The following ISM2 variants were observed in gnomAD, a reference collection of about 807,000 sequenced individuals.
ISM2 encodes isthmin-2.
Under a neutral mutation model 58.0 loss-of-function variants are expected in ISM2, and 50 were observed. The ratio of observed to expected loss-of-function variants is 0.86; its 90% CI spans 0.69 to 1.09. The LOEUF (loss-of-function observed/expected upper bound fraction) is 1.09, where lower values mean the gene tolerates loss of function less well. Ranked by LOEUF, ISM2 falls within the 50% of genes least tolerant of loss-of-function variation. ISM2 has a pLI of 0.00. For missense variants in ISM2, 723 were observed against 745.0 expected, an observed-to-expected ratio of 0.97 and a Z score of 0.34; for synonymous variants, 303 against 312.4, an observed-to-expected ratio of 0.97 and a Z score of 0.32.
intron 1 of ISM2, among the ~76,000 whole-genome samples, chr14:77,487,599 T>A (rs1280358302): frequency 6.6e-6 from 1 of 152,184 alleles, no homozygotes; most frequent in African/African-American, 2.4e-5. Flanking sequence ...CTGGAGCTGC[T>A]CTTGGGAGTC....
intron 6 of ISM2, 26 bp downstream of exon 6, chr14:77,478,215 CA>C (rs1334511047): frequency 6.3e-7 from 1 of 1,595,886 alleles, no homozygotes; most frequent in East Asian, 2.2e-5. Flanking sequence ...CCCAAACCAC[CA>C]GGGGCAAGCC....
chr14:77,482,334 A>C lies in ISM2; in HGVS notation c.961T>G (p.Ser321Ala). The C allele has an allele frequency of 1.2e-6, 2 of 1,613,036 alleles. No homozygotes were observed. The highest frequency in any genetic ancestry group is 2.2e-5 in the South Asian group (2 of 90,956). The change falls in exon 4 of 7, where the codon TCT becomes GCT. Residue 321 changes from serine (S) to alanine (A), a missense_variant. Ser to Ala is a moderately conservative substitution (Grantham distance 99, BLOSUM62 1). Transcript: ENST00000342219. Reference protein sequence around the residue: ...LAPGDWVFKDSVSYDYEPQKE... With the variant: ...LAPGDWVFKDAVSYDYEPQKE... ...TGGGGGTGCTCACCGTAGCTGACAG[A>C]ATCCTTGAAGACCCAATCCCCGGGG...
In ISM2 at chr14:77,482,512, G is replaced by A; in HGVS notation, c.783C>T (p.Ala261=). The A allele has an allele frequency of 6.2e-7, 1 of 1,614,034 alleles. No homozygotes were observed. The highest frequency in any genetic ancestry group is 8.5e-7 in the Non-Finnish European group (1 of 1,179,988). ...CCTTTTCCTCCCCCTTCTCCCCTGG[G>A]GCCCTGTCTTTTTCCTCTCCTTTGT... is the stretch of plus-strand genomic sequence containing the variant. ...GDYKGEEKDR[A]PGEKGEEKEE... is the part of the protein sequence containing the mutation. Residue 261 remains alanine, a synonymous_variant, in exon 4 of 7, where the codon GCC becomes GCT. Transcript: ENST00000342219.
In ISM2 at chr14:77,475,640, CA is replaced by C. The variant is rs780464777; in HGVS notation, c.1670del (p.Leu557ArgfsTer6). On this transcript the variant is annotated frameshift_variant, in exon 7 of 7. Transcript: ENST00000342219. LOFTEE classifies it high-confidence loss of function. The surrounding 1 kb of genome is among the most constrained non-coding windows in gnomAD (Gnocchi z 4.1). ...GCAACTGTGCTAGGTACTCCTCCTCCAGGGGGTTGTCGGTGCAGGCTCGGCC... is the reference window on the plus strand; with the variant it reads ...GCAACTGTGCTAGGTACTCCTCCTCCGGGGGTTGTCGGTGCAGGCTCGGCC... ...NNGRACTDNP[L>X]EEEYLAQLQE... 1.9e-6 allele frequency: 3 copies of C among 1,610,554 alleles called. No individual in the cohort carries two copies. Among genetic ancestry groups the C allele is most frequent in the Admixed American group, 3.3e-5 (2 of 59,778 alleles).
rs750200433 is a variant in ISM2 at position 77,484,844 on chromosome 14, C to T, written c.217G>A (p.Ala73Thr). The change falls in exon 2 of 7, where the codon GCA becomes ACA. Residue 73 changes from alanine to threonine, a missense_variant. Coordinates refer to ENST00000342219, the MANE Select transcript of ISM2 (RefSeq NM_199296.3). ...APLLPRTHLQ[A>T]EPHQHGCWTV... is the part of the protein sequence containing the mutation. ...CAGCATCCATGTTGGTGTGGCTCTG[C>T]CTGCAGGTGGGTTCTGGGGAGCAGT... 1.2e-6 allele frequency: 2 copies of T among 1,607,006 alleles called. No homozygotes were observed. The highest frequency in any genetic ancestry group is 2.2e-5 in the East Asian group (1 of 44,764).
intron 1 of ISM2, among the ~76,000 whole-genome samples, chr14:77,493,857 G>C (rs189050487): frequency 1.3e-5 from 2 of 151,180 alleles, no homozygotes; most frequent in East Asian, 3.9e-4. Context: ...CTGCAAGCTC[G>C]GTCTCCCGGG....
chr14:77,498,763 G>C lies in ISM2; in HGVS notation c.31C>G (p.Leu11Val), dbSNP rs1274860537. The change falls in exon 1 of 7, where the codon CTC becomes GTC. Residue 11 changes from leucine to valine, a missense_variant. By Grantham distance (32) the Leu-to-Val change is conservative (BLOSUM62 1). Coordinates refer to ENST00000342219, the MANE Select transcript of ISM2 (RefSeq NM_199296.3). Reference protein sequence around the residue: MRALRDRAGLLLCVLLLAALL... With the variant: MRALRDRAGLVLCVLLLAALL... ...GCCGCCAGCAGCAGCACGCAGAGGA[G>C]GAGCCCGGCTCGGTCGCGGAGCGCA... The C allele has an allele frequency of 1.0e-5, 15 of 1,474,854 alleles. No homozygotes were observed. The East Asian group carries it at 3.0e-4, about 29-fold the overall frequency. 91.4% of individuals were successfully genotyped at this position (1,474,854 alleles called of 1,614,324 possible). A position where few individuals can be genotyped will look rare whatever the true frequency, so the allele number is the denominator to read the frequency against.
intron 4 of ISM2, 74 bp downstream of exon 4, chr14:77,482,248 C>T: frequency 8.5e-7 from 1 of 1,175,718 alleles, no homozygotes; most frequent in South Asian, 1.4e-5. Flanking sequence ...AAGCCTCCAC[C>T]CTCTCCCTCA....
At position 77,475,936 on chromosome 14, in the gene ISM2, T is replaced by C. The variant is rs1239017307; in HGVS notation, c.1375A>G (p.Ser459Gly). 1.3e-6 allele frequency: 2 copies of C among 1,599,620 alleles called. No individual in the cohort carries two copies. Among genetic ancestry groups the C allele is most frequent in the East Asian group, 4.5e-5 (2 of 44,860 alleles). ...ATGTCCAGGCGCTCGCGAGGGCCAC[T>C]GGCATCCCTCCACCGGAAGCTGCGG... ...QGRSFRWRDA[S>G]GPRERLDIYQ... The change falls in exon 7 of 7, where the codon AGT becomes GGT. Residue 459 changes from serine to glycine, a missense_variant. Coordinates refer to ENST00000342219, the MANE Select transcript of ISM2 (RefSeq NM_199296.3). This position sits in a 1 kb window ranked among gnomAD's most constrained non-coding sequence, Gnocchi z 4.1.
At chr14:77,476,745 T>C (rs2079100923) in intron 6 of ISM2, among the ~76,000 whole-genome samples, 1 of 152,176 alleles carries the variant, frequency 6.6e-6, no homozygotes. Context: ...TGACTGAGGT[T>C]CTCTTAAATA....
chr14:77,481,960 C>T (rs375516137), intron 4 of ISM2, among the ~76,000 whole-genome samples: 59 of 150,878 alleles, frequency 3.9e-4, no homozygotes, highest in African/African-American at 1.4e-3. Context: ...ATTAGCCTGC[C>T]CTGGTGGTAT....
chr14:77,479,301 C>T (rs2079117870), intron 4 of ISM2, among the ~76,000 whole-genome samples: 2 of 152,096 alleles, frequency 1.3e-5, no homozygotes, highest in Admixed American at 6.6e-5. Flanking sequence ...CTCACTGTAC[C>T]TTCGCCTCCC....
rs1224824627 is a variant in ISM2, at chr14:77,484,815, A to G, written c.246T>C (p.Thr82=). Residue 82 remains threonine (T), a synonymous_variant, in exon 2 of 7, where the codon ACT becomes ACC. Coordinates refer to ENST00000342219, the MANE Select transcript of ISM2 (RefSeq NM_199296.3). ...GGGTCATGGCTGCTGGCTCAGTGACAGTCCAGCATCCATGTTGGTGTGGCT... is the reference window on the plus strand; with the variant it reads ...GGGTCATGGCTGCTGGCTCAGTGACGGTCCAGCATCCATGTTGGTGTGGCT... ...QAEPHQHGCW[T]VTEPAAMTPG... The G allele has an allele frequency of 6.2e-7, 1 of 1,609,510 alleles. No homozygotes were observed. The highest frequency in any genetic ancestry group is 1.4e-5 in the African/African-American group (1 of 73,488).
chr14:77,484,329 A>G lies in ISM2; in HGVS notation c.621T>C (p.Asp207=). 6.2e-7 allele frequency: 1 copy of G among 1,610,676 alleles called. No individual in the cohort carries two copies. Among genetic ancestry groups the G allele is most frequent in the South Asian group, 1.1e-5 (1 of 90,656 alleles). The change falls in exon 3 of 7, where the codon GAT becomes GAC. Residue 207 remains aspartate (D), a synonymous_variant. Coordinates refer to ENST00000342219, the MANE Select transcript of ISM2 (RefSeq NM_199296.3). ...GCCCTTCTGTAGCTCTCACCTGGTT[A>G]TCAGGGTTAGGGGTACTCAAGGTTG... is the stretch of plus-strand genomic sequence containing the variant. ...VHATLSTPNP[D]NQVTIKVVED...
intron 6 of ISM2, 74 bp from the exon 7 acceptor site, chr14:77,476,186 G>C: frequency 6.8e-7 from 1 of 1,462,288 alleles, no homozygotes; most frequent in Non-Finnish European, 9.1e-7. Flanking sequence ...GACTGATTAA[G>C]GGCCAGTGCA....
intron 1 of ISM2, among the ~76,000 whole-genome samples, chr14:77,487,260 TA>T (rs139595160): frequency 0.037 from 5,530 of 150,648 alleles, 154 homozygotes; most frequent in Non-Finnish European, 0.056. Flanking sequence ...AATAAATAAA[TA>T]AATAAATAAA....
rs749032904 is a variant in ISM2, at chr14:77,475,789, C to A, written c.1522G>T (p.Gly508Cys). The A allele has an allele frequency of 1.2e-6, 2 of 1,613,176 alleles. No individual in the cohort carries two copies. Among genetic ancestry groups the A allele is most frequent in the Non-Finnish European group, 1.7e-6 (2 of 1,179,792 alleles). The change falls in exon 7 of 7, where the codon GGC (glycine) becomes TGC (cysteine). Residue 508 changes from glycine to cysteine, a missense_variant. Physicochemically the swap from Gly to Cys is radical, Grantham distance 159. Coordinates refer to ENST00000342219, the MANE Select transcript of ISM2 (RefSeq NM_199296.3). This position sits in a 1 kb window ranked among gnomAD's most constrained non-coding sequence, Gnocchi z 4.1. ...SRLLTRGKGA[G>C]MPNLISTDFS... is the part of the protein sequence containing the mutation. ...TCGGTGCTGATGAGGTTGGGCATGC[C>A]GGCGCCCTTGCCACGGGTCAGCAGC...
intron 4 of ISM2, 35 bp downstream of exon 4, chr14:77,482,287 G>A (rs752413534): frequency 3.9e-6 from 6 of 1,527,102 alleles, no homozygotes; most frequent in Non-Finnish European, 5.4e-6. Context: ...ACCTACAGGG[G>A]AGCAGCCTGG....
At chr14:77,481,004 C>G (rs766096303) in intron 4 of ISM2, among the ~76,000 whole-genome samples, 7 of 152,182 alleles carry the variant, frequency 4.6e-5, no homozygotes, top group Non-Finnish European at 1.0e-4. Flanking sequence ...TAAAACATGT[C>G]TGCACCCAGA....
Sources: gnomAD v4.1 joint callset for allele counts (sites outside exome capture counted in the v4.1 genomes callset) on GRCh38, gnomAD v4.1.1 for gene constraint, Gnocchi (gnomAD v3.1) non-coding constraint, MANE v1.5 for transcripts, NCBI Gene and HGNC (gene_info 2026-07-23, HGNC 2026-07-21) for gene names.